METTL6: variants seen among roughly 807,000 people sequenced by gnomAD.
METTL6 encodes the protein methyltransferase 6, tRNA N3-cytidine.
In METTL6, 22 loss-of-function variants were observed where a neutral mutation model predicts 26.4. That is an observed-to-expected ratio of 0.83 (90% CI 0.59 to 1.19). METTL6 has a LOEUF of 1.19. METTL6 is among the 50% of genes most tolerant of loss of function. The pLI is 0.00. For missense variants in METTL6, 304 were observed against 324.8 expected, an observed-to-expected ratio of 0.94 and a Z score of 0.49; for synonymous variants, 109 against 116.2, an observed-to-expected ratio of 0.94 and a Z score of 0.40.
chr3:15,420,459 T>C (rs1295568497), intron 3 of METTL6, among the ~76,000 whole-genome samples: 1 of 152,182 alleles, frequency 6.6e-6, no homozygotes, highest in African/African-American at 2.4e-5. Context: ...TTCACTGAAA[T>C]ATTACCTTTT....
chr3:15,421,301 G>A lies in METTL6; in HGVS notation c.360+3654C>T, dbSNP rs113902782. Reference sequence around the variant, plus strand: ...TGTGATAAAACACGATACATACTGCGTGATCTTAATCCCATAAAATTGGAT... The same window carrying A: ...TGTGATAAAACACGATACATACTGCATGATCTTAATCCCATAAAATTGGAT... On this transcript the variant is annotated intron_variant, in intron 3 of 5. Coordinates refer to ENST00000383790, the MANE Select transcript of METTL6 (RefSeq NM_152396.4). Among the ~76,000 whole-genome samples the A allele has an allele frequency of 2.9e-3, 442 of 152,250 alleles. 2 individuals carry two copies. The highest frequency in any genetic ancestry group is 4.2e-3 in the Non-Finnish European group (289 of 68,018).
chr3:15,381,743 C>T (rs1420902791), exon 7 of METTL6: 1 of 152,146 alleles, frequency 6.6e-6, no homozygotes, highest in Non-Finnish European at 1.5e-5. Flanking sequence ...CTCCTTGTCA[C>T]TGTTATAGCC....
chr3:15,411,522 G>A (rs1575416053), intron 5 of METTL6, 85 bp from the exon 6 acceptor site: 1 of 1,304,584 alleles, frequency 7.7e-7, no homozygotes. Flanking sequence ...AGAGGGCTGA[G>A]GCTATTTTAA....
rs140376877 is a variant in METTL6, at chr3:15,426,615, C to T, written c.-104G>A. On this transcript the variant is annotated 5_prime_UTR_variant, in exon 2 of 6. In the 5' UTR this introduces an upstream ATG that the reference lacks. Transcript: ENST00000383790. ...GATACATTTCCTGAGGTGAGTTTCA[C>T]GCCTCAAACAGCACAGGGGGCTTCG... The T allele has an allele frequency of 2.0e-4, 211 of 1,066,310 alleles. No individual in the cohort carries two copies. The African/African-American group carries it at 2.5e-3, about 13-fold the overall frequency. The allele number at this position is 1,066,310 out of a possible 1,614,324, so 66.1% of individuals were successfully genotyped here. A position where few individuals can be genotyped will look rare whatever the true frequency, so the allele number is the denominator to read the frequency against.
chr3:15,423,954 C>A (rs555432390), intron 3 of METTL6, among the ~76,000 whole-genome samples: 1 of 152,010 alleles, frequency 6.6e-6, no homozygotes, highest in East Asian at 1.9e-4. Context: ...TACCTGTAAT[C>A]CCAGCATTTT....
At chr3:15,419,182 G>A (rs2061554844) in intron 3 of METTL6, among the ~76,000 whole-genome samples, 1 of 102,788 alleles carries the variant, frequency 9.7e-6, no homozygotes, top group Admixed American at 9.3e-5. Context: ...ATAAATCCTT[G>A]TGTAAAAAAA....
rs904041336 is a variant in METTL6 at position 15,416,295 on chromosome 3, G to A, written c.361-353C>T. Among the ~76,000 whole-genome samples the A allele has an allele frequency of 1.4e-4, 22 of 152,248 alleles. 1 individual carries two copies. Among genetic ancestry groups the A allele is most frequent in the Admixed American group, 1.0e-3 (16 of 15,270 alleles). On this transcript the variant is annotated intron_variant, in intron 3 of 5. Coordinates refer to ENST00000383790, the MANE Select transcript of METTL6 (RefSeq NM_152396.4). ...AGACAGGGTCTCACTCTGTCTGCTG[G>A]GCTAGAGTGCAGTGGCATGATCATG...
intron 3 of METTL6, among the ~76,000 whole-genome samples, chr3:15,423,021 A>C (rs2061640595): frequency 6.6e-6 from 1 of 152,240 alleles, no homozygotes; most frequent in African/African-American, 2.4e-5. Flanking sequence ...GAAATTTACT[A>C]TAGAAAATTG....
intron 6 of METTL6, among the ~76,000 whole-genome samples, chr3:15,386,123 T>C (rs1699186041): frequency 6.6e-6 from 1 of 152,230 alleles, no homozygotes; most frequent in African/African-American, 2.4e-5. Context: ...TTCATGAGTT[T>C]TCTGGCAAAG....
At chr3:15,390,149 G>A (rs1699305102) in intron 6 of METTL6, among the ~76,000 whole-genome samples, 1 of 151,924 alleles carries the variant, frequency 6.6e-6, no homozygotes, top group Admixed American at 6.6e-5. Flanking sequence ...AGGAGGCTAG[G>A]GGACACAATG....
At chr3:15,386,405 A>G (rs1699192211) in intron 6 of METTL6, among the ~76,000 whole-genome samples, 1 of 152,230 alleles carries the variant, frequency 6.6e-6, no homozygotes, top group Non-Finnish European at 1.5e-5. Flanking sequence ...CTTTTAGAGC[A>G]GGAATGAGAG....
At position 15,411,426 on chromosome 3, in the gene METTL6, G is replaced by A. The variant is rs747668053; in HGVS notation, c.685C>T (p.Gln229Ter). 6.2e-7 allele frequency: 1 copy of A among 1,613,338 alleles called. No individual in the cohort carries two copies. The highest frequency in any genetic ancestry group is 1.1e-5 in the South Asian group (1 of 91,002). Residue 229 changes from glutamine (Q) to a stop codon, truncating the protein, a stop_gained, in exon 6 of 6, where the codon CAG (glutamine) becomes TAG (stop). Transcript: ENST00000383790. LOFTEE classifies it high-confidence loss of function. The stretch of plus-strand genomic sequence containing the variant: ...TCATAACCTGTGTCCATAAAGAGCT[G>A]AGCCAGGAAGTCTGTAAGACAAGCA... ...SYFFTDDFLAQLFMDTGYEEV... is the reference protein window; with the variant it reads ...SYFFTDDFLA
Position 15,410,456 on chromosome 3 carries a change from A to T in METTL6, c.*800T>A, listed in dbSNP as rs1699921522. Among the ~76,000 whole-genome samples the T allele has an allele frequency of 6.6e-6, 1 of 152,072 alleles. No homozygotes were observed. Among genetic ancestry groups the T allele is most frequent in the Admixed American group, 6.6e-5 (1 of 15,256 alleles). ...TCCCACCCCAGCTGGGACTACAGGC[A>T]CATGCCACCACATTTGGCTAATTTT... On this transcript the variant is annotated 3_prime_UTR_variant, in exon 6 of 6. Transcript: ENST00000383790.
chr3:15,415,764 T>C lies in METTL6; in HGVS notation c.531+8A>G. The C allele has an allele frequency of 1.2e-6, 2 of 1,612,714 alleles. No homozygotes were observed. Among genetic ancestry groups the C allele is most frequent in the South Asian group, 2.2e-5 (2 of 90,736 alleles). ...CCAACCCTCAAGTGCAGGCCCCAAA[T>C]CACTAACCTTGTAAATGTTTTGTAA... On this transcript the variant is annotated splice_region_variant and intron_variant, in intron 4 of 5. Transcript: ENST00000383790.
chr3:15,414,840 T>C, intron 4 of METTL6: 1 of 520,196 alleles, frequency 1.9e-6, no homozygotes, highest in Non-Finnish European at 3.5e-6. Context: ...GAGAACTGCT[T>C]GAGCCCAGGA....
At chr3:15,427,614 C>T (rs1034125193), upstream of METTL6, 2 of 647,032 alleles carry the variant, frequency 3.1e-6, no homozygotes, top group African/African-American at 1.9e-5. Flanking sequence ...CACCCCCACG[C>T]AGAGGAGAGA....
intron 4 of METTL6, among the ~76,000 whole-genome samples, chr3:15,415,117 T>C (rs926217544): frequency 5.9e-5 from 9 of 152,210 alleles, no homozygotes; most frequent in Admixed American, 5.9e-4. Flanking sequence ...GTTTTCCTCA[T>C]TCTGAGCCTC....
Position 15,415,949 on chromosome 3 carries a change from G to A in METTL6, c.361-7C>T. The A allele has an allele frequency of 6.3e-7, 1 of 1,597,234 alleles. No homozygotes were observed. The highest frequency in any genetic ancestry group is 8.5e-7 in the Non-Finnish European group (1 of 1,172,452). ...TATCATATAAAGGATTTTGCTACAG[G>A]GGGAAGAAATACAAATGAATTTTAA... On this transcript the variant is annotated splice_polypyrimidine_tract_variant and splice_region_variant and intron_variant, in intron 3 of 5. Transcript: ENST00000383790.
chr3:15,407,109 C>T (rs775905982), downstream of METTL6, among the ~76,000 whole-genome samples: 4 of 152,092 alleles, frequency 2.6e-5, no homozygotes, highest in South Asian at 2.1e-4. Flanking sequence ...CTCCACCTCC[C>T]GGGTTCAAGT....
Sources: allele counts gnomAD v4.1 joint callset (sites outside exome capture counted in the v4.1 genomes callset), GRCh38; gene constraint gnomAD v4.1.1; transcripts MANE v1.5; gene names NCBI Gene and HGNC (gene_info 2026-07-23, HGNC 2026-07-21).